LMF1: variants seen among roughly 807,000 people sequenced by gnomAD.
LMF1 encodes the protein transmembrane protein 112.
A neutral mutation model predicts 60.6 loss-of-function variants in LMF1; 68 were observed. The ratio of observed to expected loss-of-function variants is 1.12; its 90% confidence interval spans 0.92 to 1.37. LMF1 has a LOEUF of 1.37. Ranked by LOEUF, LMF1 falls within the 40% of genes most tolerant of loss-of-function variation. The probability of loss-of-function intolerance (pLI) is 0.00; values close to 1 mark genes in which losing one functional copy is unlikely to be tolerated. For synonymous variants in LMF1, 418 were observed against 324.7 expected, an observed-to-expected ratio of 1.29 and a Z score of -3.09; for missense variants, 948 against 767.2, an observed-to-expected ratio of 1.24 and a Z score of -2.78.
chr16:882,285 C>G (rs1289865536), intron 5 of LMF1, among the ~76,000 whole-genome samples: 1 of 152,280 alleles, frequency 6.6e-6, no homozygotes, highest in Admixed American at 6.5e-5. Context: ...ACTGCCCCTC[C>G]TGAGCATGGC....
rs180983600 is a variant in LMF1, at chr16:864,765, C to T, written c.1529+4179G>A. Among the ~76,000 whole-genome samples the T allele has an allele frequency of 2.9e-4, 44 of 150,944 alleles. No individual in the cohort carries two copies. The East Asian group carries it at 6.5e-3, about 22-fold the overall frequency. The stretch of plus-strand genomic sequence containing the variant: ...TCAGCTTCCCGAGTAGCTGGGATTA[C>T]AGGCATGCACCACCATGCCTGGCTA... On this transcript the variant is annotated intron_variant, in intron 10 of 10. Transcript: ENST00000262301.
At chr16:859,178 G>C (rs1195759754) in intron 10 of LMF1, among the ~76,000 whole-genome samples, 11 of 126,628 alleles carry the variant, frequency 8.7e-5, no homozygotes, top group African/African-American at 3.6e-4. Context: ...ACGGGTGTGA[G>C]TGGTGTCTCG....
At chr16:932,573 A>G (rs1052996680) in intron 3 of LMF1, among the ~76,000 whole-genome samples, 6 of 152,116 alleles carry the variant, frequency 3.9e-5, no homozygotes, top group African/African-American at 1.4e-4. Context: ...TACTGTTGTG[A>G]TTGTACAATT....
chr16:981,351 T>A (rs756032017), upstream of LMF1: 5,799 of 79,388 alleles, frequency 0.073, 59 homozygotes, highest in Non-Finnish European at 0.088. Flanking sequence ...AGAGAGAGTG[T>A]GTGTGTGTGT....
At chr16:939,843 A>G (rs8050649) in intron 2 of LMF1, among the ~76,000 whole-genome samples, 72,389 of 152,042 alleles carry the variant, frequency 0.48, 18,876 homozygotes, top group African/African-American at 0.69. Context: ...GCCCACCTTT[A>G]TTAGAGAGAA....
At chr16:875,429 C>G (rs1259374556) in intron 6 of LMF1, among the ~76,000 whole-genome samples, 4 of 152,272 alleles carry the variant, frequency 2.6e-5, no homozygotes, top group Admixed American at 2.6e-4. Flanking sequence ...GTTTTTGAGG[C>G]CTCTGGTTCA....
intron 3 of LMF1, among the ~76,000 whole-genome samples, chr16:927,674 G>A (rs2071648900): frequency 6.6e-6 from 1 of 152,246 alleles, no homozygotes; most frequent in African/African-American, 2.4e-5. Flanking sequence ...GTGCAGCCCA[G>A]GCGGAGCTCA....
At chr16:919,639 T>C (rs2071380312) in intron 3 of LMF1, among the ~76,000 whole-genome samples, 1 of 69,366 alleles carries the variant, frequency 1.4e-5, no homozygotes, top group Non-Finnish European at 2.5e-5. Flanking sequence ...CTTGGGGGCC[T>C]CGGGCAGCAG....
At chr16:934,025 C>T (rs753017375) in intron 3 of LMF1, 26 of 1,501,766 alleles carry the variant, frequency 1.7e-5, no homozygotes, top group Non-Finnish European at 2.1e-5. Flanking sequence ...TGCGACCATC[C>T]GTCTCTAGGT....
chr16:878,466 C>T lies in LMF1; in HGVS notation c.897+1104G>A, dbSNP rs1227643882. ...GTGCAGCTTCCAGTAAGGTGAATCACAGGCCTGCTCACGATACAGTAGCGC... is the reference window on the plus strand; with the variant it reads ...GTGCAGCTTCCAGTAAGGTGAATCATAGGCCTGCTCACGATACAGTAGCGC... On this transcript the variant is annotated intron_variant, in intron 6 of 10. Coordinates refer to ENST00000262301, the MANE Select transcript of LMF1 (RefSeq NM_022773.4). This position sits in a 1 kb window ranked among gnomAD's most constrained non-coding sequence, Gnocchi z 5.2. 6.6e-6 allele frequency among the ~76,000 whole-genome samples: 1 copy of T among 152,170 alleles called. No individual in the cohort carries two copies. The highest frequency in any genetic ancestry group is 1.9e-4 in the East Asian group (1 of 5,186).
intron 4 of LMF1, among the ~76,000 whole-genome samples, chr16:906,732 A>G (rs1206715637): frequency 2.0e-5 from 3 of 152,224 alleles, no homozygotes; most frequent in African/African-American, 7.2e-5. Context: ...GGAATCAAGT[A>G]GTGTGACTCC....
At chr16:926,878 G>T (rs941146294) in intron 3 of LMF1, among the ~76,000 whole-genome samples, 2 of 152,166 alleles carry the variant, frequency 1.3e-5, no homozygotes, top group Non-Finnish European at 2.9e-5. Context: ...AGCCATAGGA[G>T]TCCTCCCTGG....
chr16:863,073 A>C (rs571913601), intron 10 of LMF1, among the ~76,000 whole-genome samples: 4 of 152,246 alleles, frequency 2.6e-5, no homozygotes, highest in African/African-American at 9.6e-5. Context: ...TTTTTTGAGG[A>C]ATTGGTCTAT....
chr16:975,914 T>C (rs1199754449), upstream of LMF1: 1 of 449,688 alleles, frequency 2.2e-6, no homozygotes, highest in South Asian at 1.6e-5. Flanking sequence ...AGCACCATTT[T>C]CCCTCCTGGT....
chr16:922,337 C>T (rs1832366867), intron 3 of LMF1, among the ~76,000 whole-genome samples: 1 of 152,208 alleles, frequency 6.6e-6, no homozygotes, highest in African/African-American at 2.4e-5. Flanking sequence ...GCTGTGAGCT[C>T]TCACCCCCAG....
intron 2 of LMF1, among the ~76,000 whole-genome samples, chr16:938,435 C>G (rs1032621351): frequency 6.6e-6 from 1 of 151,376 alleles, no homozygotes; most frequent in African/African-American, 2.4e-5. Context: ...GATGGCAGCT[C>G]GTGGGGATGG....
At chr16:864,456 A>G (rs927109495) in intron 10 of LMF1, among the ~76,000 whole-genome samples, 3 of 152,162 alleles carry the variant, frequency 2.0e-5, no homozygotes, top group South Asian at 2.1e-4. Context: ...GACATATTCA[A>G]CACTGTATTA....
At chr16:936,586 C>T (rs577728701) in intron 2 of LMF1, among the ~76,000 whole-genome samples, 41 of 149,752 alleles carry the variant, frequency 2.7e-4, no homozygotes, top group Non-Finnish European at 5.5e-4. Context: ...GAGGGCACCC[C>T]GTGGGCTGAG....
intron 2 of LMF1, 95 bp downstream of exon 2, chr16:954,262 G>T (rs533567794): frequency 2.4e-6 from 3 of 1,252,304 alleles, no homozygotes; most frequent in South Asian, 1.3e-5. Flanking sequence ...TAAGATAAAC[G>T]CTCGTCCAGT....
Sources: gnomAD v4.1 joint callset for allele counts (sites outside exome capture counted in the v4.1 genomes callset) on GRCh38, gnomAD v4.1.1 for gene constraint, Gnocchi (gnomAD v3.1) non-coding constraint, MANE v1.5 for transcripts, NCBI Gene and HGNC (gene_info 2026-07-23, HGNC 2026-07-21) for gene names.